KIF17: variants seen among roughly 807,000 people sequenced by gnomAD.
KIF17 encodes kinesin family member 17.
In KIF17, 80 loss-of-function variants were observed where a neutral mutation model predicts 96.8. The ratio of observed to expected loss-of-function variants is 0.83; its 90% CI spans 0.69 to 1.00. The LOEUF (loss-of-function observed/expected upper bound fraction) is 1.00, where lower values mean the gene tolerates loss of function less well. Among genes scored for constraint, KIF17 ranks in the 50% least tolerant of loss-of-function variants. The pLI, the probability that KIF17 is intolerant of heterozygous loss-of-function variation, is 0.00. For missense variants in KIF17, 1,280 were observed against 1,372.9 expected, an observed-to-expected ratio of 0.93 and a Z score of 1.07; for synonymous variants, 567 against 587.5, an observed-to-expected ratio of 0.97 and a Z score of 0.51.
intron 7 of KIF17, among the ~76,000 whole-genome samples, chr1:20,689,677 A>G (rs1325440077): frequency 6.6e-6 from 1 of 152,170 alleles, no homozygotes; most frequent in Non-Finnish European, 1.5e-5. Flanking sequence ...TTTTTAAAAA[A>G]AAAGAACACA....
At chr1:20,670,540 G>A (rs1006383328) in intron 12 of KIF17, 52 bp from the exon 13 acceptor site, 5 of 1,567,648 alleles carry the variant, frequency 3.2e-6, no homozygotes, top group Non-Finnish European at 4.4e-6. Context: ...GCAAGGCCTA[G>A]AGGAGGGCAC....
In KIF17 at chr1:20,717,542, G is replaced by T. The variant is rs369480851; in HGVS notation, c.165C>A (p.Asp55Glu). The change falls in exon 1 of 15, where the codon GAC becomes GAA. Residue 55 changes from aspartate (D) to glutamate (E), a missense_variant. Transcript: ENST00000400463. ...TGACGTGGTCCACGTGGTAGGCGCC[G>T]TCGAAGGTGAACTGCTTGGGCGGCT... Reference protein sequence around the residue: ...ADEPPKQFTFDGAYHVDHVTE... With the variant: ...ADEPPKQFTFEGAYHVDHVTE... 5.0e-6 allele frequency: 8 copies of T among 1,611,968 alleles called. No individual in the cohort carries two copies. In the South Asian group the frequency reaches 8.8e-5, roughly 18 times the overall value.
In KIF17 at chr1:20,690,297, A is replaced by T; in HGVS notation, c.1272T>A (p.Tyr424Ter). 1 of 1,340,292 alleles carries T rather than the reference A, an allele frequency of 7.5e-7. No homozygotes were observed. 83.0% of individuals were successfully genotyped at this position (1,340,292 alleles called of 1,614,324 possible). Residue 424 changes from tyrosine to a stop codon, truncating the protein, a stop_gained, in exon 7 of 15, where the codon TAT (tyrosine) becomes TAA (stop). Transcript: ENST00000400463. LOFTEE classifies it high-confidence loss of function. ...EERLARLKAD[Y>*]KAEQESRARL... is the part of the protein sequence containing the mutation. The stretch of plus-strand genomic sequence containing the variant: ...TGGCCCGAGACTCCTGCTCGGCCTT[A>T]TAGTCGGCTTTCAGCCGGGCCAGGC...
Position 20,685,194 on chromosome 1 carries a change from C to A in KIF17, c.2020-174G>T. 1.4e-6 allele frequency: 1 copy of A among 709,842 alleles called. No individual in the cohort carries two copies. The highest frequency in any genetic ancestry group is 1.5e-5 in the South Asian group (1 of 66,782). 44.0% of individuals were successfully genotyped at this position (709,842 alleles called of 1,614,324 possible). On this transcript the variant is annotated intron_variant, in intron 9 of 14. Coordinates refer to ENST00000400463, the MANE Select transcript of KIF17 (RefSeq NM_001122819.3). This position sits in a 1 kb window ranked among gnomAD's most constrained non-coding sequence, Gnocchi z 4.1. Reference sequence around the variant, plus strand: ...AACACGCCCTGTTGAGTTCTTACTGCCGCTATTCCCACTGACACCCCCACG... The same window carrying A: ...AACACGCCCTGTTGAGTTCTTACTGACGCTATTCCCACTGACACCCCCACG...
chr1:20,681,839 G>A (rs1365180466), intron 11 of KIF17, among the ~76,000 whole-genome samples: 1 of 152,150 alleles, frequency 6.6e-6, no homozygotes, highest in Non-Finnish European at 1.5e-5. Flanking sequence ...CTACCTCCAG[G>A]AGAATGTCCC....
intron 4 of KIF17, among the ~76,000 whole-genome samples, chr1:20,707,508 C>T (rs186911639): frequency 2.6e-5 from 4 of 152,240 alleles, no homozygotes; most frequent in African/African-American, 7.2e-5. Context: ...GGCGCAGTGG[C>T]TCATGTCTGT....
intron 12 of KIF17, among the ~76,000 whole-genome samples, chr1:20,671,697 A>G (rs2053650505): frequency 6.6e-6 from 1 of 152,104 alleles, no homozygotes; most frequent in African/African-American, 2.4e-5. Flanking sequence ...TCCCCATTTC[A>G]CAGATGAAGA....
intron 8 of KIF17, chr1:20,686,360 G>C (rs375490537): frequency 5.4e-4 from 319 of 589,132 alleles, no homozygotes; most frequent in African/African-American, 5.1e-3. Context: ...TGTGCCAGGA[G>C]CGTTGCCTGC....
Position 20,685,317 on chromosome 1 carries a change from TC to T in KIF17, c.2020-298del. 2 of 577,108 alleles carry T rather than the reference TC, an allele frequency of 3.5e-6. No homozygotes were observed. Among genetic ancestry groups the T allele is most frequent in the Non-Finnish European group, 3.3e-6 (1 of 305,606 alleles). The allele number at this position is 577,108 out of a possible 1,614,324, so 35.7% of individuals were successfully genotyped here. The stretch of plus-strand genomic sequence containing the variant: ...AAAATAGAAACCGATCACATCCCGT[TC>T]CCGATGAGCCCCATGTGACTTCCCG... On this transcript the variant is annotated intron_variant, in intron 9 of 14. Transcript: ENST00000400463. The surrounding 1 kb of genome is among the most constrained non-coding windows in gnomAD (Gnocchi z 4.1).
At chr1:20,714,931 A>G (rs950272560) in intron 2 of KIF17, among the ~76,000 whole-genome samples, 2 of 152,170 alleles carry the variant, frequency 1.3e-5, no homozygotes, top group African/African-American at 4.8e-5. Flanking sequence ...AGAGTGGCAC[A>G]GTGGGTTCTG....
intron 13 of KIF17, 95 bp downstream of exon 13, chr1:20,670,325 TG>T: frequency 8.1e-7 from 1 of 1,232,830 alleles, no homozygotes. Flanking sequence ...GGGAGGAAAG[TG>T]GAAAACCAGC....
At chr1:20,669,522 C>T (rs1207205874) in intron 13 of KIF17, among the ~76,000 whole-genome samples, 15 of 139,770 alleles carry the variant, frequency 1.1e-4, no homozygotes, top group African/African-American at 2.7e-4. Context: ...GGCGACAGAG[C>T]GAGACTCTGT....
chr1:20,687,750 T>C lies in KIF17; in HGVS notation c.1576A>G (p.Lys526Glu), dbSNP rs2053965324. ...ATCTCAGATTTGGAGGGTTCCACCT[T>C]GGGCAGCTCCGCAAACCTGGAGGAA... Reference protein sequence around the residue: ...QVSSRFAELPKVEPSKSEISL... With the variant: ...QVSSRFAELPEVEPSKSEISL... Residue 526 changes from lysine (K) to glutamate (E), a missense_variant, in exon 8 of 15, where the codon AAG (lysine) becomes GAG (glutamate). Transcript: ENST00000400463. This position sits in a 1 kb window ranked among gnomAD's most constrained non-coding sequence, Gnocchi z 4.4. 1 of 1,614,056 alleles carries C rather than the reference T, an allele frequency of 6.2e-7. No homozygotes were observed. The highest frequency in any genetic ancestry group is 1.3e-5 in the African/African-American group (1 of 74,934).
intron 11 of KIF17, among the ~76,000 whole-genome samples, chr1:20,682,330 C>A (rs527973934): frequency 1.2e-4 from 18 of 152,164 alleles, no homozygotes; most frequent in Admixed American, 7.2e-4. Context: ...GCTTTCCAGC[C>A]TGGGCAATAT....
downstream of KIF17, among the ~76,000 whole-genome samples, chr1:20,662,187 T>C (rs959642548): frequency 3.3e-5 from 5 of 152,244 alleles, no homozygotes; most frequent in East Asian, 7.7e-4. Context: ...ATGGCAGGTT[T>C]TGAAGCACTT....
At chr1:20,715,891 C>T (rs1056371802) in intron 1 of KIF17, among the ~76,000 whole-genome samples, 3 of 152,234 alleles carry the variant, frequency 2.0e-5, no homozygotes, top group African/African-American at 4.8e-5. Context: ...ACATCCATCT[C>T]CACTTTACTG....
intron 11 of KIF17, among the ~76,000 whole-genome samples, chr1:20,675,222 C>T (rs1368435305): frequency 6.6e-6 from 1 of 150,480 alleles, no homozygotes; most frequent in Non-Finnish European, 1.5e-5. Flanking sequence ...CTGAGGAGGG[C>T]GGATCACAAG....
In KIF17 at chr1:20,685,558, C is replaced by T. The variant is rs954072895; in HGVS notation, c.2019+488G>A. 2.6e-5 allele frequency among the ~76,000 whole-genome samples: 4 copies of T among 152,142 alleles called. No individual in the cohort carries two copies. Among genetic ancestry groups the T allele is most frequent in the East Asian group, 1.9e-4 (1 of 5,158 alleles). On this transcript the variant is annotated intron_variant, in intron 9 of 14. Coordinates refer to ENST00000400463, the MANE Select transcript of KIF17 (RefSeq NM_001122819.3). This position sits in a 1 kb window ranked among gnomAD's most constrained non-coding sequence, Gnocchi z 4.1. Reference sequence around the variant, plus strand: ...AGTCACTTCCTAGCCAGGGCTGCCCCGGCTGCTCCATCTACGCCCTGCTGA... The same window carrying T: ...AGTCACTTCCTAGCCAGGGCTGCCCTGGCTGCTCCATCTACGCCCTGCTGA...
chr1:20,690,933 C>T (rs1360095844), intron 6 of KIF17, among the ~76,000 whole-genome samples: 2 of 152,040 alleles, frequency 1.3e-5, no homozygotes, highest in South Asian at 2.1e-4. Flanking sequence ...GTGATCCACC[C>T]GCCTTGGCCT....
Sources: allele counts gnomAD v4.1 joint callset (sites outside exome capture counted in the v4.1 genomes callset), GRCh38; gene constraint gnomAD v4.1.1; non-coding constraint Gnocchi (gnomAD v3.1); transcripts MANE v1.5; gene names NCBI Gene and HGNC (gene_info 2026-07-23, HGNC 2026-07-21).